Variants in CALN1 observed in about 807,000 individuals in gnomAD.
CALN1 encodes calcium-binding protein 8.
A neutral mutation model predicts 30.6 loss-of-function variants in CALN1; 17 were observed. The ratio of observed to expected loss-of-function variants is 0.56; its 90% CI spans 0.38 to 0.83. The LOEUF is 0.83. Ranked by LOEUF, CALN1 falls within the 40% of genes least tolerant of loss-of-function variation. The probability of loss-of-function intolerance (pLI) is 0.00; values close to 1 mark genes in which losing one functional copy is unlikely to be tolerated. For missense variants in CALN1, 291 were observed against 354.9 expected, an observed-to-expected ratio of 0.82 and a Z score of 1.45; for synonymous variants, 156 against 131.4, an observed-to-expected ratio of 1.19 and a Z score of -1.28.
chr7:72,124,136 C>T (rs956814823), intron 3 of CALN1, among the ~76,000 whole-genome samples: 4 of 152,124 alleles, frequency 2.6e-5, no homozygotes, highest in Non-Finnish European at 4.4e-5. Flanking sequence ...AAAGAGACAG[C>T]GACCTGGCTC....
intron 5 of CALN1, among the ~76,000 whole-genome samples, chr7:71,823,289 C>T (rs919097678): frequency 2.6e-5 from 4 of 152,096 alleles, no homozygotes; most frequent in African/African-American, 9.6e-5. Context: ...CTAAAGTGAT[C>T]CTCCTGTGTA....
At chr7:72,313,772 C>T (rs1309650625) in intron 2 of CALN1, among the ~76,000 whole-genome samples, 2 of 152,202 alleles carry the variant, frequency 1.3e-5, no homozygotes, top group African/African-American at 2.4e-5. Flanking sequence ...TCATTTTCCC[C>T]TCTCTTTACC....
rs537904835 is a variant in CALN1, at chr7:72,296,216, C to T, written c.120-17406G>A. Among the ~76,000 whole-genome samples, 159 of 150,996 alleles carry T rather than the reference C, an allele frequency of 1.1e-3. 2 individuals carry two copies. The highest frequency in any genetic ancestry group is 3.6e-3 in the African/African-American group (147 of 41,064). On this transcript the variant is annotated intron_variant, in intron 2 of 6. Transcript: ENST00000395275. ...CCTTGCATCCCAGGGATGAAGCCCA[C>T]TTGATCATGGTGGATAAGCTTTTTG...
chr7:72,194,082 CT>C (rs1790817102), intron 3 of CALN1, among the ~76,000 whole-genome samples: 1 of 152,196 alleles, frequency 6.6e-6, no homozygotes, highest in African/African-American at 2.4e-5. Flanking sequence ...CAAAACCCAC[CT>C]GTTCCCCAAA....
At chr7:72,088,382 G>A (rs1167409583) in intron 4 of CALN1, among the ~76,000 whole-genome samples, 1 of 151,912 alleles carries the variant, frequency 6.6e-6, no homozygotes, top group African/African-American at 2.4e-5. Flanking sequence ...AATAATGAAG[G>A]AGCACTCGTA....
Position 72,383,772 on chromosome 7 carries a change from A to G in CALN1, c.119+19479T>C, listed in dbSNP as rs187648665. 4.6e-5 allele frequency among the ~76,000 whole-genome samples: 7 copies of G among 152,314 alleles called. 1 individual carries two copies. The South Asian group carries it at 8.3e-4, about 18-fold the overall frequency. ...AGAATAAGCAATGATTTCACAGCTT[A>G]TTTTCCAATCCATAGTGCAGCTAAG... On this transcript the variant is annotated intron_variant, in intron 2 of 6. Transcript: ENST00000395275.
rs904489812 is a variant in CALN1 at position 71,779,593 on chromosome 7, A to G, written c.*8182T>C. The G allele has an allele frequency of 3.9e-5, 6 of 152,262 alleles. No individual in the cohort carries two copies. Among genetic ancestry groups the G allele is most frequent in the Admixed American group, 3.9e-4 (6 of 15,284 alleles). The allele number at this position is 152,262 out of a possible 1,614,324, so 9.4% of individuals were successfully genotyped here. A position where few individuals can be genotyped will look rare whatever the true frequency, so the allele number is the denominator to read the frequency against. On this transcript the variant is annotated 3_prime_UTR_variant, in exon 7 of 7. Transcript: ENST00000395275. ...TTTACAGACAAGTTCGGTTAAAGAA[A>G]ACATCTGGTAAATATGGCAGTTTTC...
intron 5 of CALN1, among the ~76,000 whole-genome samples, chr7:71,821,942 AT>A (rs1000022560): frequency 4.0e-5 from 6 of 150,986 alleles, no homozygotes; most frequent in Admixed American, 1.3e-4. Context: ...TAATTTTTGC[AT>A]TTTTTGTAGA....
intron 6 of CALN1, among the ~76,000 whole-genome samples, chr7:71,806,055 G>A (rs1373729309): frequency 1.3e-5 from 2 of 152,198 alleles, no homozygotes; most frequent in Non-Finnish European, 2.9e-5. Context: ...ATGTTGCGGG[G>A]TGGGGGATGG....
At chr7:72,220,900 T>G (rs982427824) in intron 3 of CALN1, among the ~76,000 whole-genome samples, 1 of 152,196 alleles carries the variant, frequency 6.6e-6, no homozygotes, top group African/African-American at 2.4e-5. Context: ...GTTTGTTTTT[T>G]TCTTGTAAAT....
At chr7:72,368,198 T>C (rs1803992335) in intron 2 of CALN1, among the ~76,000 whole-genome samples, 2 of 151,150 alleles carry the variant, frequency 1.3e-5, no homozygotes, top group South Asian at 4.2e-4. Context: ...TATATATATA[T>C]GTGTGTGTAT....
intron 5 of CALN1, among the ~76,000 whole-genome samples, chr7:71,867,253 G>A (rs747614355): frequency 5.3e-5 from 8 of 151,838 alleles, no homozygotes; most frequent in East Asian, 3.9e-4. Flanking sequence ...ACCAGAAGGC[G>A]TCTGTCAGGA....
chr7:72,321,156 C>T (rs1163970312), intron 2 of CALN1, among the ~76,000 whole-genome samples: 2 of 149,048 alleles, frequency 1.3e-5, no homozygotes. Flanking sequence ...TCTTCTAGGA[C>T]ATAATGCACA....
At chr7:72,474,495 G>T in the CALN1 span, among the ~76,000 whole-genome samples, 1 of 152,038 alleles carries the variant, frequency 6.6e-6, no homozygotes, top group South Asian at 2.1e-4. Flanking sequence ...AGACCAGCCT[G>T]GGCAACATAG....
chr7:72,027,854 G>A (rs560291109), intron 4 of CALN1, among the ~76,000 whole-genome samples: 102 of 150,904 alleles, frequency 6.8e-4, no homozygotes, highest in Non-Finnish European at 1.2e-3. Context: ...TCAGGAGATC[G>A]AGACCATCCT....
intron 5 of CALN1, among the ~76,000 whole-genome samples, chr7:71,840,122 T>G (rs1789848174): frequency 6.6e-6 from 1 of 152,190 alleles, no homozygotes; most frequent in Admixed American, 6.5e-5. Flanking sequence ...CCATTTAGAA[T>G]TGGTGTGTTT....
chr7:72,183,311 A>G (rs1002709790), intron 3 of CALN1, among the ~76,000 whole-genome samples: 1 of 152,170 alleles, frequency 6.6e-6, no homozygotes, highest in African/African-American at 2.4e-5. Flanking sequence ...ATAACAGAAG[A>G]AGGCAAGGAG....
chr7:71,998,963 A>G (rs58173010), intron 5 of CALN1, among the ~76,000 whole-genome samples: 9,125 of 152,224 alleles, frequency 0.06, 808 homozygotes, highest in East Asian at 0.32. Context: ...GGAACCAAAC[A>G]GAAAAAAATT....
intron 5 of CALN1, among the ~76,000 whole-genome samples, chr7:71,885,403 C>T (rs970772649): frequency 6.6e-6 from 1 of 152,210 alleles, no homozygotes; most frequent in African/African-American, 2.4e-5. Flanking sequence ...CCGCCCACCT[C>T]GGCCTCCCGA....
Sources: gnomAD v4.1 joint callset for allele counts (sites outside exome capture counted in the v4.1 genomes callset) on GRCh38, gnomAD v4.1.1 for gene constraint, MANE v1.5 for transcripts, NCBI Gene and HGNC (gene_info 2026-07-23, HGNC 2026-07-21) for gene names.